The following ZMIZ1 variants were observed in gnomAD, a reference collection of about 807,000 sequenced individuals.
ZMIZ1 encodes the protein zinc finger MIZ-type containing 1, also known as zinc finger MIZ domain-containing protein 1.
ZMIZ1 carries 17 observed loss-of-function variants against 113.9 expected under a neutral mutation model. That is an observed-to-expected ratio of 0.15 (90% CI 0.10 to 0.22). The LOEUF (loss-of-function observed/expected upper bound fraction) is 0.22. Ranked by LOEUF, ZMIZ1 falls within the 10% of genes least tolerant of loss-of-function variation. The pLI is 1.00. For synonymous variants in ZMIZ1, 607 were observed against 603.1 expected, an observed-to-expected ratio of 1.01 and a Z score of -0.09; for missense variants, 1,059 against 1,477.8, an observed-to-expected ratio of 0.72 and a Z score of 4.65.
chr10:79,253,975 G>A (rs1229955992), intron 7 of ZMIZ1, among the ~76,000 whole-genome samples: 1 of 152,232 alleles, frequency 6.6e-6, no homozygotes, highest in Non-Finnish European at 1.5e-5. Flanking sequence ...TCTCCGTTCA[G>A]AAAACTTAAT....
At chr10:79,302,949 C>T (rs1854427321) in intron 18 of ZMIZ1, among the ~76,000 whole-genome samples, 2 of 151,432 alleles carry the variant, frequency 1.3e-5, no homozygotes, top group Admixed American at 1.3e-4. Flanking sequence ...GCAAGCTCCG[C>T]CTCCTAGGTT....
intron 1 of ZMIZ1, among the ~76,000 whole-genome samples, chr10:79,092,174 GCAACTC>G (rs1843002412): frequency 6.6e-6 from 1 of 152,016 alleles, no homozygotes; most frequent in Non-Finnish European, 1.5e-5. Flanking sequence ...GGGAGATTCT[GCAACTC>G]CACCCAGCCT....
chr10:79,300,816 C>T lies in ZMIZ1; in HGVS notation c.1893C>T (p.Ser631=), dbSNP rs201091506. ...ACTGGCCCGCCTCGGTGCAGGTCAG[C>T]GTGAACGCCACGCCCCTCACCATTG... The part of the protein sequence containing the change: ...NTNWPASVQV[S]VNATPLTIER... The change falls in exon 17 of 25, where the codon AGC becomes AGT. Residue 631 remains serine, a synonymous_variant. Transcript: ENST00000334512. 1.7e-5 allele frequency: 28 copies of T among 1,613,764 alleles called. No individual in the cohort carries two copies. The highest frequency in any genetic ancestry group is 1.0e-4 in the Admixed American group (6 of 59,992).
chr10:79,212,422 C>T (rs910084919), intron 6 of ZMIZ1, among the ~76,000 whole-genome samples: 9 of 152,108 alleles, frequency 5.9e-5, no homozygotes, highest in African/African-American at 2.2e-4. Flanking sequence ...CCTCCCACCT[C>T]AGCCTCCTAA....
chr10:79,269,967 T>C (rs10824736), intron 7 of ZMIZ1, among the ~76,000 whole-genome samples: 27,653 of 152,146 alleles, frequency 0.18, 4,307 homozygotes, highest in African/African-American at 0.42. Context: ...AGATCCACCC[T>C]CCTCACCTGG....
chr10:79,312,182 G>A (rs1012286423), intron 24 of ZMIZ1, among the ~76,000 whole-genome samples: 1 of 152,266 alleles, frequency 6.6e-6, no homozygotes, highest in African/African-American at 2.4e-5. Flanking sequence ...GCTCACCAAG[G>A]AGTGGCGAGC....
intron 7 of ZMIZ1, among the ~76,000 whole-genome samples, chr10:79,221,173 T>G (rs1848951240): frequency 6.6e-6 from 1 of 152,206 alleles, no homozygotes; most frequent in African/African-American, 2.4e-5. Flanking sequence ...GATGAGATCA[T>G]GCAGTGAGTG....
At chr10:79,217,663 G>C (rs1848794645) in intron 7 of ZMIZ1, among the ~76,000 whole-genome samples, 1 of 152,192 alleles carries the variant, frequency 6.6e-6, no homozygotes, top group Non-Finnish European at 1.5e-5. Flanking sequence ...CCATAAATCT[G>C]CTCAATTTAT....
At chr10:79,114,477 CTG>C (rs1215426437) in intron 1 of ZMIZ1, among the ~76,000 whole-genome samples, 66 of 64,904 alleles carry the variant, frequency 1.0e-3, no homozygotes, top group South Asian at 4.2e-3. Flanking sequence ...GTGTGTGTGT[CTG>C]TGTGTGTGTG....
intron 7 of ZMIZ1, among the ~76,000 whole-genome samples, chr10:79,223,575 G>A (rs573502365): frequency 4.1e-4 from 62 of 152,356 alleles, no homozygotes; most frequent in African/African-American, 1.4e-3. Context: ...TTTAGTGGAC[G>A]AAACCTGTTC....
At chr10:79,131,290 T>C (rs1281758729) in intron 2 of ZMIZ1, among the ~76,000 whole-genome samples, 1 of 151,692 alleles carries the variant, frequency 6.6e-6, no homozygotes. Context: ...AGCTACTCTG[T>C]GCAGGAGAAC....
intron 7 of ZMIZ1, among the ~76,000 whole-genome samples, chr10:79,246,242 C>CA (rs1217779441): frequency 6.6e-6 from 1 of 152,236 alleles, no homozygotes; most frequent in African/African-American, 2.4e-5. Context: ...AGCCAGGGGG[C>CA]ACGAGTGGGC....
chr10:79,265,177 C>T (rs921674688), intron 7 of ZMIZ1, among the ~76,000 whole-genome samples: 3 of 152,122 alleles, frequency 2.0e-5, no homozygotes, highest in Non-Finnish European at 4.4e-5. Context: ...AGGGGGCGGG[C>T]GTGCGAGGAG....
At chr10:79,144,271 C>G (rs1217973003) in intron 3 of ZMIZ1, among the ~76,000 whole-genome samples, 2 of 152,190 alleles carry the variant, frequency 1.3e-5, no homozygotes, top group Non-Finnish European at 2.9e-5. Context: ...AAAATTCTTG[C>G]ATGATGCCAT....
chr10:79,079,091 C>G (rs908930491), intron 1 of ZMIZ1, among the ~76,000 whole-genome samples: 2 of 152,254 alleles, frequency 1.3e-5, no homozygotes, highest in Non-Finnish European at 2.9e-5. Context: ...TTAACCCACC[C>G]TCCAGCCTCC....
At position 79,157,957 on chromosome 10, in the gene ZMIZ1, T is replaced by C. The variant is rs12259478; in HGVS notation, c.-130-4096T>C. 6.1e-3 allele frequency among the ~76,000 whole-genome samples: 879 copies of C among 144,156 alleles called. 9 individuals are homozygous for C. The highest frequency in any genetic ancestry group is 0.021 in the African/African-American group (837 of 39,938). The allele number at this position is 144,156 out of a possible 152,430, so 94.6% of individuals were successfully genotyped here. A position where few individuals can be genotyped will look rare whatever the true frequency, so the allele number is the denominator to read the frequency against. ...GTTTGGCACATCTGTAAAATGACAG[T>C]AGAACAGCTCAGGCGCCTGAGGATC... is the stretch of plus-strand genomic sequence containing the variant. On this transcript the variant is annotated intron_variant, in intron 3 of 24. Coordinates refer to ENST00000334512, the MANE Select transcript of ZMIZ1 (RefSeq NM_020338.4).
chr10:79,145,055 C>T (rs1352459761), intron 3 of ZMIZ1, among the ~76,000 whole-genome samples: 1 of 152,044 alleles, frequency 6.6e-6, no homozygotes. Context: ...TCTTCCCCTT[C>T]TGTTTTCTTC....
At chr10:79,232,281 G>A (rs116324711) in intron 7 of ZMIZ1, among the ~76,000 whole-genome samples, 1,857 of 152,288 alleles carry the variant, frequency 0.012, 44 homozygotes, top group Admixed American at 0.038. Context: ...CAGAATAGGT[G>A]AGTGGGTGGT....
At chr10:79,311,680 A>G (rs972096741) in intron 24 of ZMIZ1, among the ~76,000 whole-genome samples, 12 of 151,996 alleles carry the variant, frequency 7.9e-5, no homozygotes, top group African/African-American at 2.9e-4. Flanking sequence ...TGTGGGTGAC[A>G]GAAGGTGGGG....
Sources: gnomAD v4.1 joint callset for allele counts (sites outside exome capture counted in the v4.1 genomes callset) on GRCh38, gnomAD v4.1.1 for gene constraint, MANE v1.5 for transcripts, NCBI Gene and HGNC (gene_info 2026-07-23, HGNC 2026-07-21) for gene names.